The following MRPL50 variants were observed in gnomAD, a reference collection of about 807,000 sequenced individuals.
MRPL50 encodes large ribosomal subunit protein mL50.
MRPL50 carries 10 observed loss-of-function variants against 16.2 expected under a neutral mutation model. That is an observed-to-expected ratio of 0.62 (90% confidence interval 0.38 to 1.05). The LOEUF is 1.05. Among genes scored for constraint, MRPL50 ranks in the 50% least tolerant of loss-of-function variants. The pLI, the probability that MRPL50 is intolerant of heterozygous loss-of-function variation, is 0.01. For missense variants in MRPL50, 213 were observed against 187.1 expected, an observed-to-expected ratio of 1.14 and a Z score of -0.81; for synonymous variants, 68 against 66.8, an observed-to-expected ratio of 1.02 and a Z score of -0.09.
intron 1 of MRPL50, among the ~76,000 whole-genome samples, chr9:101,397,004 T>C (rs1376053952): frequency 6.6e-6 from 1 of 151,832 alleles, no homozygotes; most frequent in Non-Finnish European, 1.5e-5. Context: ...CTACCAGGGG[T>C]GGCGGAAATG....
chr9:101,392,405 T>C (rs532117740), intron 1 of MRPL50, among the ~76,000 whole-genome samples: 1 of 151,182 alleles, frequency 6.6e-6, no homozygotes, highest in South Asian at 2.1e-4. Context: ...TTAGCTAGAC[T>C]AAAAAAAACA....
chr9:101,391,096 T>G (rs1830264790), intron 1 of MRPL50, among the ~76,000 whole-genome samples: 1 of 152,052 alleles, frequency 6.6e-6, no homozygotes, highest in South Asian at 2.1e-4. Flanking sequence ...GGTGAAGAAG[T>G]AAGGTAAATC....
intron 1 of MRPL50, among the ~76,000 whole-genome samples, chr9:101,394,717 T>C (rs1830318228): frequency 6.6e-6 from 1 of 152,170 alleles, no homozygotes; most frequent in Non-Finnish European, 1.5e-5. Context: ...ATTGGGGAGA[T>C]GCTTCAGGAC....
chr9:101,397,548 T>A (rs1024122133), intron 1 of MRPL50, among the ~76,000 whole-genome samples: 1 of 152,166 alleles, frequency 6.6e-6, no homozygotes, highest in Non-Finnish European at 1.5e-5. Flanking sequence ...ATTTGGTCTG[T>A]TTTAGTAACC....
At chr9:101,392,137 C>T (rs949462918) in intron 1 of MRPL50, among the ~76,000 whole-genome samples, 2 of 151,762 alleles carry the variant, frequency 1.3e-5, no homozygotes, top group African/African-American at 4.8e-5. Context: ...AAACACAACA[C>T]ATCAAAACCT....
chr9:101,391,108 T>C (rs960707879), intron 1 of MRPL50, among the ~76,000 whole-genome samples: 4 of 152,084 alleles, frequency 2.6e-5, no homozygotes, highest in African/African-American at 7.2e-5. Context: ...AGGTAAATCA[T>C]TGTCTGGGAT....
intron 1 of MRPL50, among the ~76,000 whole-genome samples, chr9:101,397,817 C>G (rs1470624815): frequency 6.6e-6 from 1 of 152,156 alleles, no homozygotes; most frequent in Non-Finnish European, 1.5e-5. Context: ...TAAACACTAT[C>G]TAAGTCAAAT....
chr9:101,395,856 A>G (rs995943940), intron 1 of MRPL50, among the ~76,000 whole-genome samples: 1 of 152,232 alleles, frequency 6.6e-6, no homozygotes, highest in Non-Finnish European at 1.5e-5. Flanking sequence ...TACAGCTAAA[A>G]AGAGTAAGTT....
At chr9:101,393,786 A>AG (rs1456028347) in intron 1 of MRPL50, among the ~76,000 whole-genome samples, 1 of 152,036 alleles carries the variant, frequency 6.6e-6, no homozygotes. Context: ...AAAAAATTGA[A>AG]GGGGACACAC....
chr9:101,390,409 G>A lies in MRPL50; in HGVS notation c.*57C>T. On this transcript the variant is annotated 3_prime_UTR_variant, in exon 2 of 2. Coordinates refer to ENST00000374865, the MANE Select transcript of MRPL50 (RefSeq NM_019051.3). ...GGTAAAGTATCAAAAGATCTAATGAGCAGCCCCCTTGCTCAGGGAAAGACA... is the reference window on the plus strand; with the variant it reads ...GGTAAAGTATCAAAAGATCTAATGAACAGCCCCCTTGCTCAGGGAAAGACA... 6.4e-7 allele frequency: 1 copy of A among 1,550,462 alleles called. No individual in the cohort carries two copies. The highest frequency in any genetic ancestry group is 2.0e-5 in the Admixed American group (1 of 51,218).
chr9:101,393,990 C>CAAAAAAAA (rs76598460), intron 1 of MRPL50, among the ~76,000 whole-genome samples: 7 of 66,482 alleles, frequency 1.1e-4, no homozygotes, highest in Admixed American at 1.6e-4. Context: ...TAATGCTAAG[C>CAAAAAAAA]AAAAAAAAAA....
rs1830229767 is a variant in MRPL50, at chr9:101,388,540, A to G, written c.*1926T>C. On this transcript the variant is annotated 3_prime_UTR_variant, in exon 2 of 2. Coordinates refer to ENST00000374865, the MANE Select transcript of MRPL50 (RefSeq NM_019051.3). The stretch of plus-strand genomic sequence containing the variant: ...TTCTGTATGTAAACCCTTTAAAATT[A>G]CATCATATGTTTGATTATCTCATTC... 1 of 152,142 alleles carries G rather than the reference A, an allele frequency of 6.6e-6. No individual in the cohort carries two copies. The highest frequency in any genetic ancestry group is 1.5e-5 in the Non-Finnish European group (1 of 68,012). 9.4% of individuals were successfully genotyped at this position (152,142 alleles called of 1,614,324 possible).
intron 1 of MRPL50, among the ~76,000 whole-genome samples, chr9:101,393,620 A>G (rs1830301689): frequency 6.6e-6 from 1 of 152,114 alleles, no homozygotes; most frequent in Admixed American, 6.5e-5. Flanking sequence ...CAACATACAA[A>G]ATCAGTAGCA....
rs2119048534 is a variant in MRPL50 at position 101,388,032 on chromosome 9, T to G, written c.*2434A>C. 1 of 152,166 alleles carries G rather than the reference T, an allele frequency of 6.6e-6. No individual in the cohort carries two copies. The highest frequency in any genetic ancestry group is 1.5e-5 in the Non-Finnish European group (1 of 67,964). 9.4% of individuals were successfully genotyped at this position (152,166 alleles called of 1,614,324 possible). A position where few individuals can be genotyped will look rare whatever the true frequency, so the allele number is the denominator to read the frequency against. On this transcript the variant is annotated 3_prime_UTR_variant, in exon 2 of 2. Transcript: ENST00000374865. ...TGTGTTTACCCTCGTCGGCTAAATT[T>G]ACCAAGACTGTTGTTTCAGGTGGCA...
chr9:101,394,425 G>C (rs1489790783), intron 1 of MRPL50, among the ~76,000 whole-genome samples: 2 of 152,138 alleles, frequency 1.3e-5, no homozygotes, highest in Non-Finnish European at 2.9e-5. Flanking sequence ...TCATAAGTTG[G>C]CAAGAACTCA....
intron 1 of MRPL50, among the ~76,000 whole-genome samples, chr9:101,397,525 T>C (rs1830371657): frequency 6.6e-6 from 1 of 152,218 alleles, no homozygotes; most frequent in Non-Finnish European, 1.5e-5. Context: ...ACATATGCCC[T>C]ACGAGAACAA....
At chr9:101,395,688 C>T (rs1019759976) in intron 1 of MRPL50, among the ~76,000 whole-genome samples, 10 of 150,716 alleles carry the variant, frequency 6.6e-5, no homozygotes, top group Admixed American at 3.3e-4. Flanking sequence ...CGCATGTTCT[C>T]GCTCCTATGT....
chr9:101,394,377 G>T (rs1366332520), intron 1 of MRPL50, among the ~76,000 whole-genome samples: 1 of 152,150 alleles, frequency 6.6e-6, no homozygotes, highest in Admixed American at 6.5e-5. Context: ...ACCAAAGCCG[G>T]TAATCTGGCT....
At chr9:101,391,116 G>T (rs541325150) in intron 1 of MRPL50, among the ~76,000 whole-genome samples, 2 of 152,076 alleles carry the variant, frequency 1.3e-5, no homozygotes, top group African/African-American at 4.8e-5. Flanking sequence ...CATTGTCTGG[G>T]ATTCCCCATC....
Sources: allele counts gnomAD v4.1 joint callset (sites outside exome capture counted in the v4.1 genomes callset), GRCh38; gene constraint gnomAD v4.1.1; transcripts MANE v1.5; gene names NCBI Gene and HGNC (gene_info 2026-07-23, HGNC 2026-07-21).